GRM5: variants seen among roughly 807,000 people sequenced by gnomAD.
The protein encoded by GRM5 is glutamate metabotropic receptor 5, also known as metabotropic glutamate receptor 5.
In GRM5, 19 loss-of-function variants were observed where a neutral mutation model predicts 83.1. The ratio of observed to expected loss-of-function variants is 0.23; its 90% CI spans 0.16 to 0.34. GRM5 has a LOEUF of 0.34. GRM5 is among the 10% of genes least tolerant of loss of function. The pLI, the probability that GRM5 is intolerant of heterozygous loss-of-function variation, is 1.00. For missense variants in GRM5, 1,160 were observed against 1,588.3 expected (o/e 0.73, Z 4.58); for synonymous variants, 675 against 633.6 (o/e 1.07, Z -0.98).
At chr11:88,783,819 C>A (rs1420432066) in intron 3 of GRM5, among the ~76,000 whole-genome samples, 1 of 151,852 alleles carries the variant, frequency 6.6e-6, no homozygotes, top group Non-Finnish European at 1.5e-5. Flanking sequence ...ATGAAAATAC[C>A]TACTTTTCAG....
At chr11:88,683,437 G>A (rs968833701) in intron 3 of GRM5, among the ~76,000 whole-genome samples, 1 of 152,134 alleles carries the variant, frequency 6.6e-6, no homozygotes, top group Non-Finnish European at 1.5e-5. Flanking sequence ...TGCACCTGTT[G>A]ATTTTATTTA....
At chr11:89,052,686 G>T (rs138764770) in intron 1 of GRM5, among the ~76,000 whole-genome samples, 1 of 152,092 alleles carries the variant, frequency 6.6e-6, no homozygotes, top group South Asian at 2.1e-4. Flanking sequence ...TTCAGATACA[G>T]AATCTTTCAG....
At chr11:88,514,075 A>G (rs1010289020) in intron 9 of GRM5, among the ~76,000 whole-genome samples, 2 of 152,160 alleles carry the variant, frequency 1.3e-5, no homozygotes, top group Non-Finnish European at 2.9e-5. Context: ...GAGGGAAAGA[A>G]GAATGAAGGA....
At chr11:88,707,423 C>T (rs16914630) in intron 3 of GRM5, among the ~76,000 whole-genome samples, 1 of 152,106 alleles carries the variant, frequency 6.6e-6, no homozygotes, top group Non-Finnish European at 1.5e-5. Context: ...TGCATAACTA[C>T]TCCACTTCTC....
chr11:88,920,305 A>C (rs1006548011), intron 2 of GRM5, among the ~76,000 whole-genome samples: 13 of 151,890 alleles, frequency 8.6e-5, no homozygotes, highest in African/African-American at 3.1e-4. Flanking sequence ...AAACAGGTAA[A>C]TTCCTAGACA....
chr11:88,885,273 C>G (rs1355656572), intron 2 of GRM5, among the ~76,000 whole-genome samples: 1 of 151,700 alleles, frequency 6.6e-6, no homozygotes, highest in Admixed American at 6.6e-5. Flanking sequence ...AAGATTAAAT[C>G]CTCTGAAGCA....
At chr11:89,004,932 A>G (rs990366545) in intron 2 of GRM5, among the ~76,000 whole-genome samples, 1 of 152,180 alleles carries the variant, frequency 6.6e-6, no homozygotes, top group Non-Finnish European at 1.5e-5. Context: ...CAGTCTAATC[A>G]AGAACTCTAA....
chr11:88,515,786 GA>G (rs1941503058), intron 9 of GRM5, among the ~76,000 whole-genome samples: 1 of 152,180 alleles, frequency 6.6e-6, no homozygotes, highest in Non-Finnish European at 1.5e-5. Context: ...AGTAAATAGA[GA>G]ACAAAGCCAG....
At chr11:88,714,410 C>G (rs1197567004) in intron 3 of GRM5, among the ~76,000 whole-genome samples, 1 of 151,754 alleles carries the variant, frequency 6.6e-6, no homozygotes, top group East Asian at 1.9e-4. Context: ...ACATCTACAT[C>G]CATCTTTGGG....
At chr11:88,871,134 G>T (rs572988043) in intron 2 of GRM5, among the ~76,000 whole-genome samples, 1 of 151,644 alleles carries the variant, frequency 6.6e-6, no homozygotes, top group African/African-American at 2.4e-5. Flanking sequence ...AGTTAGAGTT[G>T]GGTAAGCTTT....
chr11:88,755,491 A>G (rs2135432138), intron 3 of GRM5, among the ~76,000 whole-genome samples: 1 of 152,306 alleles, frequency 6.6e-6, no homozygotes, highest in East Asian at 1.9e-4. Context: ...TCACAATGGA[A>G]ATGTAAGTAC....
intron 3 of GRM5, among the ~76,000 whole-genome samples, chr11:88,761,312 G>T (rs934335403): frequency 1.3e-5 from 2 of 151,950 alleles, no homozygotes; most frequent in East Asian, 3.9e-4. Flanking sequence ...CCATAGTCTT[G>T]GCCCAACAGC....
chr11:88,973,262 T>A lies in GRM5; in HGVS notation c.661+73950A>T, dbSNP rs576957757. ...TGCATAGGAAATATATATTGTAGAA[T>A]TAAGAGGTATGGTAGGAAGAATAAT... On this transcript the variant is annotated intron_variant, in intron 2 of 9. Transcript: ENST00000305447. 8.5e-5 allele frequency among the ~76,000 whole-genome samples: 13 copies of A among 152,282 alleles called. No homozygotes were observed. In the East Asian group the frequency reaches 2.5e-3, roughly 29 times the overall value.
chr11:88,829,136 G>T (rs776310249), intron 3 of GRM5, among the ~76,000 whole-genome samples: 2 of 151,792 alleles, frequency 1.3e-5, no homozygotes, highest in African/African-American at 2.4e-5. Context: ...TGACTTACAA[G>T]TATTAAGTAT....
At chr11:88,714,503 G>T (rs112661216) in intron 3 of GRM5, among the ~76,000 whole-genome samples, 164 of 152,054 alleles carry the variant, frequency 1.1e-3, no homozygotes, top group African/African-American at 3.1e-3. Context: ...GAAACCTAAA[G>T]CATATATCAT....
chr11:88,517,515 G>T (rs930697666), intron 9 of GRM5, among the ~76,000 whole-genome samples: 1 of 152,114 alleles, frequency 6.6e-6, no homozygotes, highest in African/African-American at 2.4e-5. Context: ...TAGATAAAAT[G>T]ATTGATTTAA....
chr11:88,888,909 C>T (rs1183816293), intron 2 of GRM5, among the ~76,000 whole-genome samples: 7 of 152,116 alleles, frequency 4.6e-5, no homozygotes. Flanking sequence ...GGCTAAAGGC[C>T]TCCATCTTGC....
intron 2 of GRM5, among the ~76,000 whole-genome samples, chr11:88,987,416 G>A (rs1013561601): frequency 5.9e-5 from 9 of 151,910 alleles, no homozygotes; most frequent in Non-Finnish European, 1.2e-4. Context: ...ACTGCAAGGC[G>A]GCAGCGAGGT....
At chr11:89,039,322 T>G (rs920122656) in intron 2 of GRM5, among the ~76,000 whole-genome samples, 1 of 151,334 alleles carries the variant, frequency 6.6e-6, no homozygotes, top group African/African-American at 2.4e-5. Flanking sequence ...ACTCACAAAG[T>G]AGTAAGATCC....
Sources: allele counts gnomAD v4.1 joint callset (sites outside exome capture counted in the v4.1 genomes callset), GRCh38; gene constraint gnomAD v4.1.1; transcripts MANE v1.5; gene names NCBI Gene and HGNC (gene_info 2026-07-23, HGNC 2026-07-21).